Variants in TMPRSS9 observed in about 807,000 individuals in gnomAD.
TMPRSS9 encodes the protein transmembrane protease serine 9.
TMPRSS9 carries 113 observed loss-of-function variants against 111.4 expected under a neutral mutation model. That is an observed-to-expected ratio of 1.01 (90% CI 0.87 to 1.19). TMPRSS9 has a LOEUF of 1.19. Ranked by LOEUF, TMPRSS9 falls within the 50% of genes most tolerant of loss-of-function variation. The pLI is 0.00. For missense variants in TMPRSS9, 1,803 were observed against 1,513.1 expected (o/e 1.19, Z -3.18); for synonymous variants, 805 against 659.1 (o/e 1.22, Z -3.39).
exon 17 of TMPRSS9, chr19:2,425,363 T>C (rs1216615618): frequency 6.6e-7 from 1 of 1,514,714 alleles, no homozygotes. Flanking sequence ...GCAGGCTCCA[T>C]GGCGCGGCAG....
At position 2,402,100 on chromosome 19, in the gene TMPRSS9, C is replaced by T. The variant is rs1203261076; in HGVS notation, c.556+84C>T. The stretch of plus-strand genomic sequence containing the variant: ...ACTCATTTCAAGGAAGTGAAGGAAT[C>T]CCTGGAACGAGGCTGGGCGCGGTGG... On this transcript the variant is annotated intron_variant, in intron 5 of 17. Coordinates refer to ENST00000648592, the Ensembl canonical transcript of TMPRSS9. 1.4e-5 allele frequency: 21 copies of T among 1,454,258 alleles called. No individual in the cohort carries two copies. In the African/African-American group the frequency reaches 2.9e-4, roughly 20 times the overall value. 90.1% of individuals were successfully genotyped at this position (1,454,258 alleles called of 1,614,324 possible). A position where few individuals can be genotyped will look rare whatever the true frequency, so the allele number is the denominator to read the frequency against.
chr19:2,408,861 T>C (rs62120715), intron 8 of TMPRSS9, among the ~76,000 whole-genome samples: 52,766 of 150,844 alleles, frequency 0.35, 10,358 homozygotes, highest in African/African-American at 0.54. Context: ...TGGTGGTGCG[T>C]GCCTATAATT....
chr19:2,418,341 C>CTCCT lies in TMPRSS9; in HGVS notation c.2154+206_2154+207insTTCC, dbSNP rs1555680716. Among the ~76,000 whole-genome samples, 37 of 56,382 alleles carry CTCCT rather than the reference C, an allele frequency of 6.6e-4. 5 individuals are homozygous for CTCCT. The East Asian group carries it at 0.018, about 27-fold the overall frequency. 37.0% of individuals were successfully genotyped at this position (56,382 alleles called of 152,430 possible). On this transcript the variant is annotated intron_variant, in intron 13 of 17. Coordinates refer to ENST00000648592, the Ensembl canonical transcript of TMPRSS9. ...TCCCTCCCTCCCTCCCTTTCCTTCCCTCCCTTTCCCTCCCTCCCTCCCTTC... is the reference window on the plus strand; with the variant it reads ...TCCCTCCCTCCCTCCCTTTCCTTCCCTCCTTCCCTTTCCCTCCCTCCCTCCCTTC...
chr19:2,411,395 T>G (rs1971093562), intron 9 of TMPRSS9, among the ~76,000 whole-genome samples: 1 of 127,924 alleles, frequency 7.8e-6, no homozygotes, highest in South Asian at 2.7e-4. Context: ...CTTTTTCTTC[T>G]TCTTCTTTTT....
rs1037640013 is a variant in TMPRSS9, at chr19:2,395,796, A to G, written c.143-743A>G. Among the ~76,000 whole-genome samples the G allele has an allele frequency of 5.1e-4, 77 of 152,306 alleles. No homozygotes were observed. The Middle Eastern group carries it at 0.01, about 20-fold the overall frequency. ...GCCGAGGAGGGCGGATCACGAGGTCAGGAGATAGAGACCATCCTGGCTAAC... is the reference window on the plus strand; with the variant it reads ...GCCGAGGAGGGCGGATCACGAGGTCGGGAGATAGAGACCATCCTGGCTAAC... On this transcript the variant is annotated intron_variant, in intron 1 of 17. Coordinates refer to ENST00000648592, the Ensembl canonical transcript of TMPRSS9.
rs956410114 is a variant in TMPRSS9, at chr19:2,422,326, G to A, written c.2548+79G>A. ...CCTGGGCTGCCTAACAAGACATAAC[G>A]TCGTCCACTTTGGGAGGCCGAGGCG... On this transcript the variant is annotated intron_variant, in intron 14 of 17. Coordinates refer to ENST00000648592, the Ensembl canonical transcript of TMPRSS9. 1.5e-5 allele frequency: 22 copies of A among 1,439,456 alleles called. No homozygotes were observed. In the African/African-American group the frequency reaches 1.9e-4, roughly 12 times the overall value. 89.2% of individuals were successfully genotyped at this position (1,439,456 alleles called of 1,614,324 possible). A position where few individuals can be genotyped will look rare whatever the true frequency, so the allele number is the denominator to read the frequency against.
rs370714120 is a variant in TMPRSS9, at chr19:2,415,851, GCCT to G, written c.1745+16_1745+18del. 5.7e-6 allele frequency: 9 copies of G among 1,565,566 alleles called. No homozygotes were observed. The African/African-American group carries it at 8.1e-5, about 14-fold the overall frequency. On this transcript the variant is annotated intron_variant, in intron 11 of 17. Transcript: ENST00000648592. ...CCCACTGCTTCAACCAGTAAGGCCC[GCCT>G]CCTCCAGGAAGGCTGCCCGGCTTCC...
intron 4 of TMPRSS9, among the ~76,000 whole-genome samples, chr19:2,399,845 G>A (rs916473490): frequency 2.6e-5 from 4 of 151,962 alleles, no homozygotes; most frequent in African/African-American, 7.3e-5. Context: ...AGTAGCTCCC[G>A]ACTCACTCCC....
chr19:2,422,118 A>C lies in TMPRSS9; in HGVS notation c.2419A>C (p.Thr807Pro), dbSNP rs774582605. The C allele has an allele frequency of 4.4e-6, 7 of 1,597,264 alleles. No homozygotes were observed. In the African/African-American group the frequency reaches 5.4e-5, roughly 12 times the overall value. The change falls in exon 14 of 18, where the codon ACC becomes CCC. Residue 807 changes from threonine to proline, a missense_variant. Coordinates refer to ENST00000648592, the Ensembl canonical transcript of TMPRSS9. ...CCCGGGGGCCACACCCAGCAGACCCACCCCTGGGGCTGCCAGCAGGGTGAC... is the reference window on the plus strand; with the variant it reads ...CCCGGGGGCCACACCCAGCAGACCCCCCCCTGGGGCTGCCAGCAGGGTGAC...
chr19:2,405,669 C>A, intron 7 of TMPRSS9, 124 bp downstream of exon 8: 6 of 993,776 alleles, frequency 6.0e-6, no homozygotes, highest in African/African-American at 1.7e-5. Context: ...CTTTTCCTTT[C>A]TTTCTTGCTT....
At chr19:2,409,030 A>AATGATG (rs568420990) in intron 8 of TMPRSS9, among the ~76,000 whole-genome samples, 1 of 125,366 alleles carries the variant, frequency 8.0e-6, no homozygotes, top group Non-Finnish European at 1.6e-5. Context: ...TAATAATAAT[A>AATGATG]ATGATGATGC....
chr19:2,422,056 C>T, exon 14 of TMPRSS9: 1 of 1,611,670 alleles, frequency 6.2e-7, no homozygotes. Flanking sequence ...AGGATGCTGG[C>T]CACCACCAGC....
intron 1 of TMPRSS9, among the ~76,000 whole-genome samples, chr19:2,360,689 A>G (rs1970187496): frequency 6.8e-6 from 1 of 147,524 alleles, no homozygotes; most frequent in African/African-American, 2.7e-5. Context: ...GGTTGTGTGG[A>G]CGCAGGTGTG....
In TMPRSS9 at chr19:2,391,505, TTG is replaced by T. The variant is rs1970595339; in HGVS notation, c.142+1584_142+1585del. Among the ~76,000 whole-genome samples, 3 of 151,808 alleles carry T rather than the reference TTG, an allele frequency of 2.0e-5. No homozygotes were observed. In the Admixed American group the frequency reaches 2.0e-4, roughly 10 times the overall value. On this transcript the variant is annotated intron_variant, in intron 1 of 17. Transcript: ENST00000648592. ...ATTTGGGTTCCTCGTGTGAGTGTAT[TTG>T]TGTGTTCATGAGTGTGTGCATGGTG...
At chr19:2,409,763 G>C (rs914146605) in intron 8 of TMPRSS9, among the ~76,000 whole-genome samples, 1 of 152,134 alleles carries the variant, frequency 6.6e-6, no homozygotes, top group African/African-American at 2.4e-5. Context: ...TGATGTGACT[G>C]ATTTAATATT....
intron 4 of TMPRSS9, 49 bp from the exon 6 acceptor site, chr19:2,401,926 G>C: frequency 6.3e-7 from 1 of 1,584,238 alleles, no homozygotes; most frequent in Non-Finnish European, 8.6e-7. Context: ...GTGTTCAAAG[G>C]GTTTTACCGC....
upstream of TMPRSS9, among the ~76,000 whole-genome samples, chr19:2,389,222 C>T (rs535337673): frequency 3.5e-4 from 51 of 146,060 alleles, no homozygotes; most frequent in East Asian, 2.9e-3. Context: ...TACAGGCGCC[C>T]ACCACCACGC....
At chr19:2,402,755 A>T (rs1054791807) in intron 5 of TMPRSS9, among the ~76,000 whole-genome samples, 2 of 151,676 alleles carry the variant, frequency 1.3e-5, no homozygotes, top group African/African-American at 4.8e-5. Flanking sequence ...ATAAATAAAT[A>T]AAATAAAATA....
chr19:2,404,528 G>T (rs1262813512), intron 6 of TMPRSS9, among the ~76,000 whole-genome samples: 1 of 150,076 alleles, frequency 6.7e-6, no homozygotes, highest in East Asian at 2.0e-4. Context: ...GAGCTACAGA[G>T]CAAAACTCTG....
Sources: allele counts gnomAD v4.1 joint callset (sites outside exome capture counted in the v4.1 genomes callset), GRCh38; gene constraint gnomAD v4.1.1; transcripts MANE v1.5; gene names NCBI Gene and HGNC (gene_info 2026-07-23, HGNC 2026-07-21).